The following HSPA8 variants were observed in gnomAD, a reference collection of about 807,000 sequenced individuals.
The protein encoded by HSPA8 is heat shock protein family A (Hsp70) member 8.
A neutral mutation model predicts 52.8 loss-of-function variants in HSPA8; 2 were observed. The ratio of observed to expected loss-of-function variants is 0.04; its 90% CI spans 0.02 to 0.12. The LOEUF (loss-of-function observed/expected upper bound fraction) is 0.12. Ranked by LOEUF, HSPA8 falls within the 10% of genes least tolerant of loss-of-function variation. HSPA8 has a pLI of 1.00. For missense variants in HSPA8, 349 were observed against 800.5 expected, an observed-to-expected ratio of 0.44 and a Z score of 6.81; for synonymous variants, 436 against 274.0, an observed-to-expected ratio of 1.59 and a Z score of -5.84.
chr11:123,061,365 TAATC>T lies in HSPA8; in HGVS notation c.-5-40_-5-37del, dbSNP rs556438149. 8.8e-5 allele frequency: 130 copies of T among 1,480,880 alleles called. 1 individual carries two copies. The African/African-American group carries it at 1.6e-3, about 18-fold the overall frequency. The allele number at this position is 1,480,880 out of a possible 1,614,324, so 91.7% of individuals were successfully genotyped here. On this transcript the variant is annotated intron_variant, in intron 1 of 8. Transcript: ENST00000534624. ...GAAAAATCTGGTTTAAAAATTCAAT[TAATC>T]AAAATATTTCCCTCATCCCTTAACA...
In HSPA8 at chr11:123,058,245, C is replaced by T; in HGVS notation, c.1755+7G>A. 1 of 867,354 alleles carries T rather than the reference C, an allele frequency of 1.2e-6. No homozygotes were observed. Among genetic ancestry groups the T allele is most frequent in the Non-Finnish European group, 1.7e-6 (1 of 591,472 alleles). The allele number at this position is 867,354 out of a possible 1,614,324, so 53.7% of individuals were successfully genotyped here. A position where few individuals can be genotyped will look rare whatever the true frequency, so the allele number is the denominator to read the frequency against. ...GGGGAGGAAAAAAAAAAAAAAAAAA[C>T]ACAAACCTGATTCTTATCAAGCCAG... On this transcript the variant is annotated splice_region_variant and intron_variant, in intron 8 of 8. Transcript: ENST00000534624.
intron 5 of HSPA8, 90 bp from the exon 6 acceptor site, chr11:123,059,351 G>C: frequency 7.3e-7 from 1 of 1,374,326 alleles, no homozygotes; most frequent in Non-Finnish European, 1.0e-6. Context: ...AGACATCCAA[G>C]GAAGGTGTTG....
chr11:123,061,600 ACTGT>A (rs1591440557), intron 1 of HSPA8: 3 of 498,384 alleles, frequency 6.0e-6, no homozygotes, highest in Non-Finnish European at 7.3e-6. Context: ...CGAACTGAGC[ACTGT>A]CTGTTCCCCT....
At chr11:123,061,478 A>G (rs1865499961) in intron 1 of HSPA8, 149 bp from the exon 2 acceptor site, 1 of 654,314 alleles carries the variant, frequency 1.5e-6, no homozygotes, top group Non-Finnish European at 2.7e-6. Context: ...CGCGAGGTCC[A>G]GAACTAGTGC....
At position 123,062,046 on chromosome 11, in the gene HSPA8, C is replaced by T. The variant is rs1865527718; in HGVS notation, c.-6+18G>A. ...ACGCTCCCAGACCCACAACCCAACT[C>T]TTGAGCAGAGGTTTTACCTGGGGTG... On this transcript the variant is annotated intron_variant, in intron 1 of 8. Transcript: ENST00000534624. The T allele has an allele frequency of 6.5e-6, 1 of 152,720 alleles. No homozygotes were observed. The highest frequency in any genetic ancestry group is 1.5e-5 in the Non-Finnish European group (1 of 68,424). 9.5% of individuals were successfully genotyped at this position (152,720 alleles called of 1,614,324 possible). A position where few individuals can be genotyped will look rare whatever the true frequency, so the allele number is the denominator to read the frequency against.
chr11:123,058,109 C>T (rs992214852), intron 8 of HSPA8, 143 bp downstream of exon 8: 2 of 716,652 alleles, frequency 2.8e-6, no homozygotes, highest in East Asian at 2.6e-5. Flanking sequence ...TAGTTGCCAA[C>T]ACCTTGAATT....
Position 123,057,914 on chromosome 11 carries a change from A to G in HSPA8, c.1761T>C (p.Ala587=), listed in dbSNP as rs4802. 433,742 of 1,603,014 alleles carry G rather than the reference A, an allele frequency of 0.27. 65,838 individuals are homozygous for G. Among genetic ancestry groups the G allele is most frequent in the East Asian group, 0.58 (25,784 of 44,712 alleles). ...GTTGATGTTCAAATTCTTCCTTCTC[A>G]GCAGTCTGAGGAAGAGAAAAAGGAA... is the stretch of plus-strand genomic sequence containing the variant. ...IINWLDKNQT[A]EKEEFEHQQK... The change falls in exon 9 of 9, where the codon GCT becomes GCC. Residue 587 remains alanine (A), a synonymous_variant. Transcript: ENST00000534624.
At chr11:123,058,999 A>C in intron 6 of HSPA8, 60 bp downstream of exon 6, 1 of 1,489,866 alleles carries the variant, frequency 6.7e-7, no homozygotes, top group Non-Finnish European at 9.4e-7. Context: ...ATAGCGAGTC[A>C]GTCAAGACTT....
chr11:123,061,237 C>A lies in HSPA8; in HGVS notation c.88G>T (p.Ala30Ser). The A allele has an allele frequency of 6.2e-7, 1 of 1,613,908 alleles. No individual in the cohort carries two copies. Among genetic ancestry groups the A allele is most frequent in the Non-Finnish European group, 8.5e-7 (1 of 1,179,842 alleles). The part of the protein sequence containing the change: ...VFQHGKVEII[A>S]NDQGNRTTPS... Reference sequence around the variant, plus strand: ...GTGGTTCGGTTTCCCTGATCATTGGCAATTATCTCGACTTTTCCGTGCTGG... The same window carrying A: ...GTGGTTCGGTTTCCCTGATCATTGGAAATTATCTCGACTTTTCCGTGCTGG... The change falls in exon 2 of 9, where the codon GCC becomes TCC. Residue 30 changes from alanine (A) to serine (S), a missense_variant. Coordinates refer to ENST00000534624, the MANE Select transcript of HSPA8 (RefSeq NM_006597.6).
Position 123,059,467 on chromosome 11 carries a change from T to TATG in HSPA8, c.1120+5_1120+6insCAT. Reference sequence around the variant, plus strand: ...CCTTTAGGGTTAATTGAGATACCATTGTTACCTGCACCATAAGCAACAGCT... The same window carrying TATG: ...CCTTTAGGGTTAATTGAGATACCATTATGGTTACCTGCACCATAAGCAACAGCT... On this transcript the variant is annotated splice_donor_region_variant and intron_variant, in intron 5 of 8. Transcript: ENST00000534624. The TATG allele has an allele frequency of 2.5e-6, 4 of 1,609,600 alleles. No homozygotes were observed. Among genetic ancestry groups the TATG allele is most frequent in the Non-Finnish European group, 3.4e-6 (4 of 1,177,398 alleles).
rs1455304305 is a variant in HSPA8, at chr11:123,058,503, C to G, written c.1523-19G>C. ...AAACGGCCTAGGAAAGAAATTAACT[C>G]TAAGTAAAAGCCTTAAATTACCTGT... On this transcript the variant is annotated intron_variant, in intron 7 of 8. Transcript: ENST00000534624. 2 of 1,609,176 alleles carry G rather than the reference C, an allele frequency of 1.2e-6. No individual in the cohort carries two copies. The highest frequency in any genetic ancestry group is 1.7e-6 in the Non-Finnish European group (2 of 1,175,912).
intron 7 of HSPA8, 59 bp downstream of exon 7, chr11:123,058,573 C>G: frequency 6.4e-7 from 1 of 1,572,164 alleles, no homozygotes; most frequent in Non-Finnish European, 8.8e-7. Flanking sequence ...CCTTAGGCAC[C>G]AGTAACTCAA....
Position 123,061,180 on chromosome 11 carries a change from G to A in HSPA8, c.145C>T (p.Arg49Trp). 1 of 1,613,838 alleles carries A rather than the reference G, an allele frequency of 6.2e-7. No individual in the cohort carries two copies. The highest frequency in any genetic ancestry group is 8.5e-7 in the Non-Finnish European group (1 of 1,179,838). ...PSYVAFTDTE[R>W]LIGDAAKNQV... ...TTCTTTGCGGCATCACCGATCAACC[G>A]TTCAGTGTCCGTAAAGGCGACATAG... Residue 49 changes from arginine to tryptophan, a missense_variant, in exon 2 of 9, where the codon CGG (arginine) becomes TGG (tryptophan). Physicochemically the swap from Arg to Trp is moderately radical, Grantham distance 101. Coordinates refer to ENST00000534624, the MANE Select transcript of HSPA8 (RefSeq NM_006597.6).
chr11:123,058,923 A>G (rs1236094866), intron 6 of HSPA8, 93 bp from the exon 7 acceptor site: 1 of 1,409,998 alleles, frequency 7.1e-7, no homozygotes, highest in African/African-American at 1.4e-5. Flanking sequence ...TCAAACATCC[A>G]AGGAAGGAAC....
At chr11:123,061,034 C>T (rs1293885877) in intron 2 of HSPA8, 86 bp downstream of exon 2, 4 of 1,233,588 alleles carry the variant, frequency 3.2e-6, no homozygotes, top group Middle Eastern at 3.9e-4. Context: ...TTTCTAAAAT[C>T]AAAAAGTTCC....
rs1865393132 is a variant in HSPA8 at position 123,058,672 on chromosome 11, A to T, written c.1482T>A (p.Ser494Arg). ...TAGTAATCTTGTTCTCTTTTCCCGT[A>T]CTCTTGTCCACAGCAGAGACATTGA... ...GILNVSAVDK[S>R]TGKENKITIT... is the part of the protein sequence containing the mutation. Residue 494 changes from serine (S) to arginine (R), a missense_variant, in exon 7 of 9, where the codon AGT becomes AGA. Coordinates refer to ENST00000534624, the MANE Select transcript of HSPA8 (RefSeq NM_006597.6). 1 of 1,613,702 alleles carries T rather than the reference A, an allele frequency of 6.2e-7. No homozygotes were observed. Among genetic ancestry groups the T allele is most frequent in the Non-Finnish European group, 8.5e-7 (1 of 1,179,936 alleles).
rs779303299 is a variant in HSPA8, at chr11:123,058,839, G to A, written c.1324-9C>T. 4 of 1,613,002 alleles carry A rather than the reference G, an allele frequency of 2.5e-6. No homozygotes were observed. Among genetic ancestry groups the A allele is most frequent in the East Asian group, 2.2e-5 (1 of 44,880 alleles). The stretch of plus-strand genomic sequence containing the variant: ...CGCTCGCCTTCATAAACCTTGGTAG[G>A]AAATAAAACAAATTACTACAATGGA... On this transcript the variant is annotated splice_polypyrimidine_tract_variant and intron_variant, in intron 6 of 8. Transcript: ENST00000534624.
chr11:123,058,915 A>G, intron 6 of HSPA8, 85 bp from the exon 7 acceptor site: 2 of 1,459,942 alleles, frequency 1.4e-6, no homozygotes, highest in South Asian at 2.3e-5. Context: ...ATGGTCGCTC[A>G]AACATCCAAG....
At chr11:123,060,884 G>T in intron 2 of HSPA8, 86 bp from the exon 3 acceptor site, 1 of 1,207,658 alleles carries the variant, frequency 8.3e-7, no homozygotes, top group Non-Finnish European at 1.2e-6. Flanking sequence ...ATACCTAACA[G>T]TTCATAGGTA....
Sources: allele counts gnomAD v4.1 joint callset, GRCh38; gene constraint gnomAD v4.1.1; transcripts MANE v1.5; gene names NCBI Gene and HGNC (gene_info 2026-07-23, HGNC 2026-07-21).